TGS1: variants seen among roughly 807,000 people sequenced by gnomAD.
The protein encoded by TGS1 is trimethylguanosine synthase.
TGS1 carries 69 observed loss-of-function variants against 92.2 expected under a neutral mutation model. The observed-to-expected ratio is 0.75, with a 90% CI of 0.62 to 0.91. The LOEUF is 0.91. TGS1 is among the 40% of genes least tolerant of loss of function. TGS1 has a pLI of 0.00. For missense variants in TGS1, 1,062 were observed against 1,001.2 expected (o/e 1.06, Z -0.82); for synonymous variants, 345 against 338.1 (o/e 1.02, Z -0.22).
rs1288842516 is a variant in TGS1, at chr8:55,782,777, A to G, written c.131A>G (p.Lys44Arg). ...CGAAAATTGTACAATTTGGGATTAAAAGGCTATTACATCAGAGACAGTGGC... is the reference window on the plus strand; with the variant it reads ...CGAAAATTGTACAATTTGGGATTAAGAGGCTATTACATCAGAGACAGTGGC... ...EDRKLYNLGL[K>R]GYYIRDSGNN... The change falls in exon 2 of 13, where the codon AAA becomes AGA. Residue 44 changes from lysine (K) to arginine (R), a missense_variant. Transcript: ENST00000260129. 6.2e-7 allele frequency: 1 copy of G among 1,610,966 alleles called. No homozygotes were observed. Among genetic ancestry groups the G allele is most frequent in the African/African-American group, 1.3e-5 (1 of 74,752 alleles).
intron 9 of TGS1, among the ~76,000 whole-genome samples, chr8:55,804,377 G>C (rs1035764629): frequency 6.6e-6 from 1 of 152,214 alleles, no homozygotes; most frequent in Non-Finnish European, 1.5e-5. Context: ...GGAGGCGGAA[G>C]TTGCAATGAG....
intron 1 of TGS1, among the ~76,000 whole-genome samples, chr8:55,778,552 ATCTCTAG>A (rs950344048): frequency 1.3e-5 from 2 of 152,132 alleles, no homozygotes; most frequent in African/African-American, 4.8e-5. Context: ...TCTGATGGTG[ATCTCTAG>A]TCTTTCATAT....
intron 9 of TGS1, among the ~76,000 whole-genome samples, chr8:55,803,000 C>A (rs2316664): frequency 2.0e-5 from 3 of 151,392 alleles, no homozygotes; most frequent in Non-Finnish European, 4.4e-5. Flanking sequence ...TGTATCATTG[C>A]GTTTATTTTT....
At chr8:55,777,423 C>T (rs1241801814) in intron 1 of TGS1, among the ~76,000 whole-genome samples, 1 of 152,048 alleles carries the variant, frequency 6.6e-6, no homozygotes, top group Non-Finnish European at 1.5e-5. Flanking sequence ...TGCTGGATGT[C>T]TCCCCTTAGT....
intron 12 of TGS1, among the ~76,000 whole-genome samples, chr8:55,814,730 A>G (rs60155473): frequency 0.06 from 8,745 of 146,358 alleles, 318 homozygotes; most frequent in African/African-American, 0.096. Context: ...TTAGCCGGGC[A>G]TGGTGGCGGC....
At chr8:55,813,144 T>C in intron 12 of TGS1, 26 bp downstream of exon 12, 3 of 1,493,874 alleles carry the variant, frequency 2.0e-6, no homozygotes, top group Non-Finnish European at 2.8e-6. Context: ...AAAACTTCCA[T>C]GAGTGTCTGT....
intron 8 of TGS1, among the ~76,000 whole-genome samples, chr8:55,801,279 C>A (rs1812204997): frequency 6.6e-6 from 1 of 152,146 alleles, no homozygotes. Flanking sequence ...TTCATTCATT[C>A]TTTATTTTTT....
At chr8:55,821,922 T>A (rs988752991) in intron 12 of TGS1, among the ~76,000 whole-genome samples, 1 of 151,770 alleles carries the variant, frequency 6.6e-6, no homozygotes, top group Admixed American at 6.6e-5. Context: ...TTTATTTTTT[T>A]TTTCAAGTAA....
chr8:55,792,477 G>A (rs180734868), intron 5 of TGS1, among the ~76,000 whole-genome samples: 1 of 152,196 alleles, frequency 6.6e-6, no homozygotes, highest in African/African-American at 2.4e-5. Context: ...AATTAAGACT[G>A]GAATACTTAT....
Position 55,790,223 on chromosome 8 carries a change from C to T in TGS1, c.1204C>T (p.Pro402Ser). The change falls in exon 5 of 13, where the codon CCA (proline) becomes TCA (serine). Residue 402 changes from proline to serine, a missense_variant. Transcript: ENST00000260129. ...AGGAGCAAACACAAGCAAAGACAGA[C>T]CACATGCCAGTGGTACTGATGGAGA... ...SSGANTSKDRPHASGTDGDES... is the reference protein window; with the variant it reads ...SSGANTSKDRSHASGTDGDES... 1 of 1,614,000 alleles carries T rather than the reference C, an allele frequency of 6.2e-7. No homozygotes were observed. Among genetic ancestry groups the T allele is most frequent in the Non-Finnish European group, 8.5e-7 (1 of 1,179,938 alleles).
intron 12 of TGS1, among the ~76,000 whole-genome samples, chr8:55,816,004 G>T (rs1323608531): frequency 2.0e-5 from 3 of 151,840 alleles, no homozygotes; most frequent in Non-Finnish European, 4.4e-5. Flanking sequence ...CTGGAGTGCA[G>T]TAGCAGTAGC....
At chr8:55,805,181 T>G (rs1337737471) in intron 10 of TGS1, 145 bp downstream of exon 10, 2 of 571,886 alleles carry the variant, frequency 3.5e-6, no homozygotes, top group Non-Finnish European at 5.4e-6. Flanking sequence ...CTAGCATATA[T>G]TAAGCATATA....
intron 1 of TGS1, among the ~76,000 whole-genome samples, chr8:55,774,194 G>A (rs898175654): frequency 6.6e-6 from 1 of 152,090 alleles, no homozygotes; most frequent in African/African-American, 2.4e-5. Flanking sequence ...CAGTTTTTGT[G>A]ATATCTTTAT....
At chr8:55,785,058 G>GTTTTTTTTTTTTTTTTTTTTTTT (rs1262385274) in intron 2 of TGS1, among the ~76,000 whole-genome samples, 3 of 143,586 alleles carry the variant, frequency 2.1e-5, no homozygotes, top group South Asian at 2.2e-4. Context: ...GGTGTTTTTT[G>GTTTTTTTTTTTTTTTTTTTTTTT]TTTTTTGTTT....
chr8:55,785,766 G>A lies in TGS1; in HGVS notation c.214G>A (p.Ala72Thr), dbSNP rs1363916695. ...EEEGGYSCGT[A>T]ESHDSKGIGL... ...GGAAGGTGGTTATTCCTGTGGTACT[G>A]CAGAATCACATGACAGCAAAGGCAT... The change falls in exon 3 of 13, where the codon GCA becomes ACA. Residue 72 changes from alanine (A) to threonine (T), a missense_variant. Coordinates refer to ENST00000260129, the MANE Select transcript of TGS1 (RefSeq NM_024831.8). 3.1e-6 allele frequency: 5 copies of A among 1,613,314 alleles called. No homozygotes were observed. The highest frequency in any genetic ancestry group is 2.7e-5 in the African/African-American group (2 of 74,864).
intron 2 of TGS1, 89 bp from the exon 3 acceptor site, chr8:55,785,630 A>C: frequency 7.3e-6 from 7 of 964,702 alleles, no homozygotes; most frequent in Non-Finnish European, 8.9e-6. Context: ...TGGGCGGGTC[A>C]CTCTGGATCT....
chr8:55,776,413 T>A (rs1433397445), intron 1 of TGS1, among the ~76,000 whole-genome samples: 4 of 151,460 alleles, frequency 2.6e-5, no homozygotes, highest in Non-Finnish European at 2.9e-5. Flanking sequence ...ACCAAGTAGC[T>A]GGGAATACAG....
At chr8:55,782,275 G>A (rs570833044) in intron 1 of TGS1, among the ~76,000 whole-genome samples, 3 of 151,986 alleles carry the variant, frequency 2.0e-5, no homozygotes, top group East Asian at 1.9e-4. Context: ...TCTGTCTCCC[G>A]GATTTAAGCA....
chr8:55,802,065 G>A (rs1056982960), intron 8 of TGS1, among the ~76,000 whole-genome samples: 4 of 152,110 alleles, frequency 2.6e-5, no homozygotes, highest in Admixed American at 6.5e-5. Flanking sequence ...GTGGTGACGG[G>A]CGCCTGTAGT....
Sources: gnomAD v4.1 joint callset for allele counts (sites outside exome capture counted in the v4.1 genomes callset) on GRCh38, gnomAD v4.1.1 for gene constraint, MANE v1.5 for transcripts, NCBI Gene and HGNC (gene_info 2026-07-23, HGNC 2026-07-21) for gene names.